The following PRRG1 variants were observed in gnomAD, a reference collection of about 807,000 sequenced individuals.
PRRG1 encodes transmembrane gamma-carboxyglutamic acid protein 1.
A neutral mutation model predicts 11.8 loss-of-function variants in PRRG1; 5 were observed. The ratio of observed to expected loss-of-function variants is 0.42; its 90% CI spans 0.22 to 0.89. The LOEUF is 0.89. PRRG1 is among the 40% of genes least tolerant of loss of function. The pLI, the probability that PRRG1 is intolerant of heterozygous loss-of-function variation, is 0.28. For missense variants in PRRG1, 155 were observed against 166.1 expected, an observed-to-expected ratio of 0.93 and a Z score of 0.37; for synonymous variants, 66 against 60.4, an observed-to-expected ratio of 1.09 and a Z score of -0.43.
intron 1 of PRRG1, among the ~76,000 whole-genome samples, chrX:37,400,090 A>G (rs1447959508): frequency 6.3e-5 from 7 of 111,486 alleles, no homozygotes; most frequent in Admixed American, 9.5e-5. Flanking sequence ...GAAAGTTTAC[A>G]AGGATACCCA....
intron 1 of PRRG1, among the ~76,000 whole-genome samples, chrX:37,352,820 G>A (rs1556365129): frequency 1.8e-5 from 2 of 111,620 alleles, no homozygotes; most frequent in Non-Finnish European, 1.9e-5. Context: ...GACGCATAAT[G>A]ACATTTTGGT....
intron 1 of PRRG1, among the ~76,000 whole-genome samples, chrX:37,350,155 A>G (rs1255563191): frequency 9.0e-6 from 1 of 111,646 alleles, no homozygotes; most frequent in African/African-American, 3.3e-5. Context: ...GATCACTGGT[A>G]GGAACAGCCC....
At chrX:37,399,922 G>A (rs1204957459) in intron 1 of PRRG1, among the ~76,000 whole-genome samples, 2 of 111,093 alleles carry the variant, frequency 1.8e-5, no homozygotes, top group African/African-American at 6.6e-5. Flanking sequence ...AATTCAACAA[G>A]AACAGCTAAC....
At chrX:37,398,676 C>T (rs1931818210) in intron 1 of PRRG1, among the ~76,000 whole-genome samples, 1 of 112,214 alleles carries the variant, frequency 8.9e-6, no homozygotes, top group African/African-American at 3.2e-5. Flanking sequence ...GACGATCAAA[C>T]TCCTCCGAGC....
intron 1 of PRRG1, among the ~76,000 whole-genome samples, chrX:37,364,927 C>T (rs1556368768): frequency 1.8e-5 from 2 of 112,034 alleles, no homozygotes; most frequent in African/African-American, 6.5e-5. Flanking sequence ...CTCTGTAAAA[C>T]GTTGGCAAAG....
At chrX:37,351,003 C>A (rs964071609) in intron 1 of PRRG1, among the ~76,000 whole-genome samples, 2 of 111,165 alleles carry the variant, frequency 1.8e-5, no homozygotes, top group Non-Finnish European at 3.8e-5. Context: ...TGATTCACTT[C>A]TTGAAAAATT....
At chrX:37,380,815 T>A (rs182075898) in intron 1 of PRRG1, among the ~76,000 whole-genome samples, 12 of 111,341 alleles carry the variant, frequency 1.1e-4, no homozygotes, top group Admixed American at 4.8e-4. Flanking sequence ...GACTCCAGTA[T>A]AAGGTTTTGG....
chrX:37,391,990 T>G (rs1601994313), intron 1 of PRRG1, among the ~76,000 whole-genome samples: 1 of 111,184 alleles, frequency 9.0e-6, no homozygotes, highest in African/African-American at 3.3e-5. Context: ...TCCTTGTTTT[T>G]TTTTTTTGAC....
intron 1 of PRRG1, among the ~76,000 whole-genome samples, chrX:37,361,823 A>G (rs1930424874): frequency 8.9e-6 from 1 of 112,176 alleles, no homozygotes; most frequent in Admixed American, 9.5e-5. Flanking sequence ...CAATTTTGTA[A>G]AAAAATCTAT....
chrX:37,386,326 A>C (rs1290788880), intron 1 of PRRG1, among the ~76,000 whole-genome samples: 1 of 111,160 alleles, frequency 9.0e-6, no homozygotes, highest in Non-Finnish European at 1.9e-5. Flanking sequence ...AGCTCTGTTG[A>C]GGTATAATTG....
At chrX:37,382,470 T>C (rs892764804) in intron 1 of PRRG1, among the ~76,000 whole-genome samples, 18 of 111,581 alleles carry the variant, frequency 1.6e-4, no homozygotes, top group African/African-American at 5.8e-4. Context: ...GCTATGTGTA[T>C]ATTTTGCAGC....
At chrX:37,362,841 G>A (rs1032823387) in intron 1 of PRRG1, among the ~76,000 whole-genome samples, 3 of 111,301 alleles carry the variant, frequency 2.7e-5, no homozygotes, top group African/African-American at 9.8e-5. Context: ...CAGCAGACTG[G>A]GAGGGGGCCT....
chrX:37,418,607 T>C (rs1932569095), intron 2 of PRRG1, among the ~76,000 whole-genome samples: 1 of 112,025 alleles, frequency 8.9e-6, no homozygotes. Context: ...TAAATTAGAT[T>C]ATATAATTTA....
intron 1 of PRRG1, among the ~76,000 whole-genome samples, chrX:37,395,570 G>A (rs782394769): frequency 9.6e-6 from 1 of 104,449 alleles, no homozygotes; most frequent in South Asian, 4.4e-4. Context: ...AGCTGAGATT[G>A]CACCACTGCA....
intron 1 of PRRG1, among the ~76,000 whole-genome samples, chrX:37,400,434 C>T (rs1183335347): frequency 3.6e-5 from 4 of 110,724 alleles, no homozygotes; most frequent in Admixed American, 9.6e-5. Flanking sequence ...TTGAAACCAA[C>T]GAGAACAAAG....
Position 37,453,243 on chromosome X carries a change from T to C in PRRG1, c.279T>C (p.Ile93=), listed in dbSNP as rs1556397045. 8.3e-7 allele frequency: 1 copy of C among 1,208,990 alleles called. No homozygotes were observed. The highest frequency in any genetic ancestry group is 1.1e-6 in the Non-Finnish European group (1 of 894,737). ...TTCCGTTAATCTTTGGCCTCTTCAT[T>C]ATCCTCCTTGTCATTTTCCTAATCT... ...LTFPLIFGLF[I]ILLVIFLIWR... Residue 93 remains isoleucine (I), a synonymous_variant, in exon 4 of 4, where the codon ATT becomes ATC. Transcript: ENST00000378628.
intron 1 of PRRG1, among the ~76,000 whole-genome samples, chrX:37,393,157 C>T (rs115304870): frequency 0.096 from 10,578 of 110,438 alleles, 1,234 homozygotes; most frequent in African/African-American, 0.33. Flanking sequence ...ATTTCAGCAA[C>T]ATCTAACAGC....
chrX:37,450,852 T>G, intron 3 of PRRG1, among the ~76,000 whole-genome samples: 1 of 112,095 alleles, frequency 8.9e-6, no homozygotes. Context: ...GAGTCTGTTA[T>G]TTTTTAGGAG....
chrX:37,357,073 C>T (rs1930258668), intron 1 of PRRG1, among the ~76,000 whole-genome samples: 1 of 111,769 alleles, frequency 8.9e-6, no homozygotes, highest in African/African-American at 3.3e-5. Context: ...TTTCAACTGC[C>T]CTTCCTTCCA....
Sources: allele counts gnomAD v4.1 joint callset (sites outside exome capture counted in the v4.1 genomes callset), GRCh38; gene constraint gnomAD v4.1.1; transcripts MANE v1.5; gene names NCBI Gene and HGNC (gene_info 2026-07-23, HGNC 2026-07-21).